The following ARPP21 variants were observed in gnomAD, a reference collection of about 807,000 sequenced individuals.
ARPP21 encodes cAMP regulated phosphoprotein 21.
ARPP21 carries 69 observed loss-of-function variants against 113.2 expected under a neutral mutation model. That is an observed-to-expected ratio of 0.61 (90% CI 0.50 to 0.74). The LOEUF (loss-of-function observed/expected upper bound fraction) is 0.74. Ranked by LOEUF, ARPP21 falls within the 30% of genes least tolerant of loss-of-function variation. ARPP21 has a pLI of 0.00. For missense variants in ARPP21, 1,070 were observed against 1,037.4 expected (o/e 1.03, Z -0.43); for synonymous variants, 368 against 375.5 (o/e 0.98, Z 0.23).
At chr3:35,754,634 A>G (rs2095512372) in intron 19 of ARPP21, among the ~76,000 whole-genome samples, 1 of 152,046 alleles carries the variant, frequency 6.6e-6, no homozygotes, top group Admixed American at 6.6e-5. Context: ...AAGAGAAATA[A>G]TAAGAATCAT....
At chr3:35,781,579 A>ACAAC (rs1401959311) in intron 19 of ARPP21, 1 of 152,234 alleles carries the variant, frequency 6.6e-6, no homozygotes, top group African/African-American at 2.4e-5. Flanking sequence ...GCCAGACAAT[A>ACAAC]CAACCCTTTT....
chr3:35,642,767 T>C (rs979033854), intron 1 of ARPP21, among the ~76,000 whole-genome samples: 2 of 152,150 alleles, frequency 1.3e-5, no homozygotes, highest in African/African-American at 4.8e-5. Flanking sequence ...TACAATAACC[T>C]GAAGCTCTGC....
chr3:35,707,225 C>A, intron 10 of ARPP21, 143 bp downstream of exon 10: 1 of 662,336 alleles, frequency 1.5e-6, no homozygotes, highest in South Asian at 1.8e-5. Context: ...CAACCTCCTT[C>A]TCCTCCTTCC....
chr3:35,704,614 A>G (rs577772098), intron 9 of ARPP21, among the ~76,000 whole-genome samples: 1 of 152,112 alleles, frequency 6.6e-6, no homozygotes, highest in South Asian at 2.1e-4. Context: ...CTAATGCTCT[A>G]AATTTGAATT....
chr3:35,682,593 C>A (rs1299877158), intron 3 of ARPP21: 3 of 386,868 alleles, frequency 7.8e-6, no homozygotes, highest in Non-Finnish European at 1.4e-5. Context: ...TCAAAGCTGG[C>A]TTTTCCTTGT....
chr3:35,776,380 T>C (rs149812166), intron 19 of ARPP21, among the ~76,000 whole-genome samples: 4,033 of 152,212 alleles, frequency 0.026, 185 homozygotes, highest in African/African-American at 0.088. Flanking sequence ...TGTAATAGTC[T>C]AACAAGTTAG....
At position 35,689,390 on chromosome 3, in the gene ARPP21, AT is replaced by A; in HGVS notation, c.485+7del. On this transcript the variant is annotated splice_donor_region_variant and intron_variant, in intron 7 of 20. Transcript: ENST00000684406. The stretch of plus-strand genomic sequence containing the variant: ...CACATTAAAGAATAATTCCAGGTAA[AT>A]TATTAAATGAGCCTCTTATTTTTAG... 1 of 1,352,858 alleles carries A rather than the reference AT, an allele frequency of 7.4e-7. No homozygotes were observed. Among genetic ancestry groups the A allele is most frequent in the Non-Finnish European group, 1.1e-6 (1 of 943,226 alleles). The allele number at this position is 1,352,858 out of a possible 1,614,324, so 83.8% of individuals were successfully genotyped here.
chr3:35,672,647 G>T (rs1345432393), intron 1 of ARPP21, among the ~76,000 whole-genome samples: 1 of 151,944 alleles, frequency 6.6e-6, no homozygotes, highest in Non-Finnish European at 1.5e-5. Flanking sequence ...CACAAAATAG[G>T]CAAAAATCCC....
intron 1 of ARPP21, among the ~76,000 whole-genome samples, chr3:35,646,731 A>C (rs1312208602): frequency 6.6e-6 from 1 of 151,946 alleles, no homozygotes; most frequent in Non-Finnish European, 1.5e-5. Context: ...ACTACTTCAT[A>C]TATCTGGCCT....
chr3:35,710,164 G>A (rs528938255), intron 11 of ARPP21, among the ~76,000 whole-genome samples: 2 of 152,206 alleles, frequency 1.3e-5, no homozygotes, highest in East Asian at 1.9e-4. Context: ...GAATTTTGAA[G>A]ATTGGATGAT....
At chr3:35,768,086 G>C (rs1006623319) in intron 19 of ARPP21, among the ~76,000 whole-genome samples, 1 of 29,924 alleles carries the variant, frequency 3.3e-5, no homozygotes, top group Non-Finnish European at 6.6e-5. Flanking sequence ...TTCCGTGTGT[G>C]TGTGTGTGTG....
intron 19 of ARPP21, among the ~76,000 whole-genome samples, chr3:35,753,744 A>G (rs1365809467): frequency 1.3e-5 from 2 of 152,010 alleles, no homozygotes; most frequent in Non-Finnish European, 2.9e-5. Context: ...TTTAGAAGTA[A>G]TGTTTCTGAT....
rs2089372263 is a variant in ARPP21, at chr3:35,707,013, AG to A, written c.728del (p.Gly243ValfsTer10). The A allele has an allele frequency of 1.9e-6, 3 of 1,613,876 alleles. No homozygotes were observed. The highest frequency in any genetic ancestry group is 2.5e-6 in the Non-Finnish European group (3 of 1,179,918). ...TTTGTGAACATTTAAAAGATGAAAAAGGTGAAGAATCCCAGAAGCGGTTTAT... is the reference window on the plus strand; with the variant it reads ...TTTGTGAACATTTAAAAGATGAAAAAGTGAAGAATCCCAGAAGCGGTTTAT... ...RFCEHLKDEKGEESQKRFILK... is the reference protein window; with the variant it reads ...RFCEHLKDEKXEESQKRFILK... On this transcript the variant is annotated frameshift_variant, in exon 10 of 21. Transcript: ENST00000684406. LOFTEE classifies it high-confidence loss of function.
At chr3:35,787,530 C>T (rs924325624) in intron 19 of ARPP21, among the ~76,000 whole-genome samples, 11 of 152,142 alleles carry the variant, frequency 7.2e-5, no homozygotes, top group African/African-American at 2.7e-4. Context: ...ATACCTCACC[C>T]CTCAACTGTC....
At chr3:35,719,244 T>G (rs1576272493) in intron 13 of ARPP21, among the ~76,000 whole-genome samples, 1 of 152,192 alleles carries the variant, frequency 6.6e-6, no homozygotes, top group African/African-American at 2.4e-5. Context: ...CAATATAAAA[T>G]AGAGGAGTAC....
At chr3:35,717,269 A>T (rs759788148) in intron 12 of ARPP21, 29 bp from the exon 13 acceptor site, 1 of 1,394,718 alleles carries the variant, frequency 7.2e-7, no homozygotes, top group Non-Finnish European at 1.0e-6. Context: ...TAGGTTTTAT[A>T]TCATAAAAAT....
intron 1 of ARPP21, among the ~76,000 whole-genome samples, chr3:35,646,973 A>G (rs1700478515): frequency 6.6e-6 from 1 of 152,120 alleles, no homozygotes; most frequent in Admixed American, 6.6e-5. Context: ...TGGAGATTCA[A>G]ATTTCTCTCC....
At chr3:35,662,479 C>G (rs1708270881) in intron 1 of ARPP21, among the ~76,000 whole-genome samples, 1 of 152,106 alleles carries the variant, frequency 6.6e-6, no homozygotes, top group Admixed American at 6.5e-5. Flanking sequence ...AAGGAGAGTT[C>G]TTGGGACCAA....
At chr3:35,707,844 T>C (rs1209251814) in intron 10 of ARPP21, among the ~76,000 whole-genome samples, 1 of 149,726 alleles carries the variant, frequency 6.7e-6, no homozygotes, top group Non-Finnish European at 1.5e-5. Flanking sequence ...GAAAGCTAAG[T>C]AAATGGCAAA....
Sources: allele counts gnomAD v4.1 joint callset (sites outside exome capture counted in the v4.1 genomes callset), GRCh38; gene constraint gnomAD v4.1.1; transcripts MANE v1.5; gene names NCBI Gene and HGNC (gene_info 2026-07-23, HGNC 2026-07-21).